CSMD1: variants seen among roughly 807,000 people sequenced by gnomAD.
CSMD1 encodes CUB and sushi domain-containing protein 1.
CSMD1 carries 213 observed loss-of-function variants against 417.5 expected under a neutral mutation model. The ratio of observed to expected loss-of-function variants is 0.51; its 90% CI spans 0.46 to 0.57. The LOEUF (loss-of-function observed/expected upper bound fraction) is 0.57. CSMD1 is among the 20% of genes least tolerant of loss of function. The probability of loss-of-function intolerance (pLI) is 0.00; values close to 1 mark genes in which losing one functional copy is unlikely to be tolerated. For synonymous variants in CSMD1, 2,862 were observed against 1,736.8 expected, an observed-to-expected ratio of 1.65 and a Z score of -16.11; for missense variants, 6,923 against 4,529.7, an observed-to-expected ratio of 1.53 and a Z score of -15.17.
intron 10 of CSMD1, among the ~76,000 whole-genome samples, chr8:3,497,739 A>C (rs751353939): frequency 3.7e-4 from 56 of 152,092 alleles, no homozygotes; most frequent in Non-Finnish European, 7.4e-4. Context: ...TTGCTTTTTA[A>C]ATTATATTGT....
At chr8:3,769,051 G>C (rs1475220499) in intron 5 of CSMD1, among the ~76,000 whole-genome samples, 1 of 152,194 alleles carries the variant, frequency 6.6e-6, no homozygotes, top group Non-Finnish European at 1.5e-5. Flanking sequence ...AGGTGTGTTT[G>C]GTTAGAAAGT....
chr8:3,437,847 A>T (rs1240668745), intron 12 of CSMD1, among the ~76,000 whole-genome samples: 1 of 151,712 alleles, frequency 6.6e-6, no homozygotes, highest in East Asian at 1.9e-4. Context: ...TCCTGTGTTC[A>T]AGCAATTCTC....
At chr8:3,392,584 C>G (rs796920843) in intron 17 of CSMD1, among the ~76,000 whole-genome samples, 3 of 152,166 alleles carry the variant, frequency 2.0e-5, no homozygotes, top group African/African-American at 7.2e-5. Context: ...TGGGTTTTCT[C>G]TCTCCCTGGA....
At chr8:3,991,924 TA>T (rs1469590209) in intron 5 of CSMD1, among the ~76,000 whole-genome samples, 2 of 152,180 alleles carry the variant, frequency 1.3e-5, no homozygotes, top group African/African-American at 4.8e-5. Flanking sequence ...AACTATTGTT[TA>T]TATTTTCTTG....
chr8:3,770,946 A>G (rs1264852564), intron 5 of CSMD1, among the ~76,000 whole-genome samples: 1 of 152,140 alleles, frequency 6.6e-6, no homozygotes, highest in East Asian at 1.9e-4. Flanking sequence ...CGAATTCAAT[A>G]GGAGGTAAGC....
intron 5 of CSMD1, among the ~76,000 whole-genome samples, chr8:3,822,257 C>A (rs906128210): frequency 4.2e-4 from 64 of 152,232 alleles, no homozygotes; most frequent in African/African-American, 1.3e-3. Flanking sequence ...CTGGACGCAT[C>A]CCTTAAAGAG....
chr8:4,143,675 A>G (rs1020195689), intron 3 of CSMD1, among the ~76,000 whole-genome samples: 2 of 151,022 alleles, frequency 1.3e-5, no homozygotes, highest in Non-Finnish European at 2.9e-5. Flanking sequence ...GGTTCTTGGC[A>G]TTTAGAATAA....
intron 5 of CSMD1, among the ~76,000 whole-genome samples, chr8:3,824,202 T>G (rs1020175689): frequency 6.6e-6 from 1 of 151,868 alleles, no homozygotes; most frequent in Non-Finnish European, 1.5e-5. Flanking sequence ...TAATTTATCC[T>G]GACAGAGTTG....
intron 2 of CSMD1, among the ~76,000 whole-genome samples, chr8:4,510,612 C>G (rs565271859): frequency 6.7e-6 from 1 of 148,622 alleles, no homozygotes; most frequent in Non-Finnish European, 1.5e-5. Context: ...GCCTTCCTTC[C>G]CTCCTCCCTT....
intron 3 of CSMD1, among the ~76,000 whole-genome samples, chr8:4,162,005 C>T (rs1287198703): frequency 6.6e-6 from 1 of 152,204 alleles, no homozygotes; most frequent in African/African-American, 2.4e-5. Flanking sequence ...TTTGACTAAC[C>T]ATTCTGTATT....
chr8:3,282,248 T>A (rs529116093), intron 26 of CSMD1, among the ~76,000 whole-genome samples: 20 of 152,232 alleles, frequency 1.3e-4, no homozygotes, highest in Middle Eastern at 3.4e-3. Flanking sequence ...GTTCATTGAT[T>A]GCAACAAATG....
intron 3 of CSMD1, among the ~76,000 whole-genome samples, chr8:4,135,342 G>A (rs1563169042): frequency 1.4e-5 from 2 of 140,182 alleles, no homozygotes; most frequent in East Asian, 4.3e-4. Flanking sequence ...GGGAAAGAAG[G>A]AAGGAAGGGA....
chr8:3,763,452 C>T (rs779617484), intron 5 of CSMD1, among the ~76,000 whole-genome samples: 3 of 151,970 alleles, frequency 2.0e-5, no homozygotes, highest in Admixed American at 6.6e-5. Context: ...GCCTAGCACT[C>T]CCCCCTCTCC....
intron 10 of CSMD1, among the ~76,000 whole-genome samples, chr8:3,547,193 C>A (rs929508695): frequency 6.6e-6 from 1 of 152,204 alleles, no homozygotes; most frequent in African/African-American, 2.4e-5. Context: ...CACAAGAAAA[C>A]AGGGCCACAT....
At chr8:4,780,831 G>T (rs1015728488) in intron 1 of CSMD1, among the ~76,000 whole-genome samples, 1 of 152,032 alleles carries the variant, frequency 6.6e-6, no homozygotes, top group Non-Finnish European at 1.5e-5. Flanking sequence ...TTGGTTTTCC[G>T]TTCCTCAGTT....
chr8:3,049,466 G>A (rs531123250), intron 50 of CSMD1, among the ~76,000 whole-genome samples: 1 of 152,122 alleles, frequency 6.6e-6, no homozygotes, highest in African/African-American at 2.4e-5. Flanking sequence ...ATTACTAAGT[G>A]AAAGAAGCCA....
At chr8:3,902,971 C>G (rs1807856397) in intron 5 of CSMD1, among the ~76,000 whole-genome samples, 1 of 152,148 alleles carries the variant, frequency 6.6e-6, no homozygotes, top group Admixed American at 6.5e-5. Flanking sequence ...CTCTGACCTC[C>G]TGAACATGCA....
At chr8:3,031,782 T>C (rs919846542) in intron 50 of CSMD1, among the ~76,000 whole-genome samples, 3 of 152,014 alleles carry the variant, frequency 2.0e-5, no homozygotes, top group East Asian at 1.9e-4. Flanking sequence ...AAGTTCTTCA[T>C]GATGATCTCT....
rs529134361 is a variant in CSMD1 at position 4,131,204 on chromosome 8, G to C, written c.416-99105C>G. ...TCAAAAGACTTCATAGTTAAATAGA[G>C]ACGCCATTTCTATAAGTATACGGCA... is the stretch of plus-strand genomic sequence containing the variant. On this transcript the variant is annotated intron_variant, in intron 3 of 69. Transcript: ENST00000635120. 7.9e-5 allele frequency among the ~76,000 whole-genome samples: 12 copies of C among 152,274 alleles called. No individual in the cohort carries two copies. The East Asian group carries it at 1.5e-3, about 20-fold the overall frequency.
Sources: gnomAD v4.1 joint callset for allele counts (sites outside exome capture counted in the v4.1 genomes callset) on GRCh38, gnomAD v4.1.1 for gene constraint, MANE v1.5 for transcripts, NCBI Gene and HGNC (gene_info 2026-07-23, HGNC 2026-07-21) for gene names.